WDFY2: variants seen among roughly 807,000 people sequenced by gnomAD.
WDFY2 encodes WD repeat and FYVE domain containing 2.
A neutral mutation model predicts 56.4 loss-of-function variants in WDFY2; 36 were observed. The ratio of observed to expected loss-of-function variants is 0.64; its 90% CI spans 0.49 to 0.84. The LOEUF (loss-of-function observed/expected upper bound fraction) is 0.84. WDFY2 is among the 40% of genes least tolerant of loss of function. The pLI, the probability that WDFY2 is intolerant of heterozygous loss-of-function variation, is 0.00. For synonymous variants in WDFY2, 176 were observed against 183.7 expected (o/e 0.96, Z 0.34); for missense variants, 444 against 512.2 (o/e 0.87, Z 1.29).
At chr13:51,717,540 C>T (rs1952384315) in intron 4 of WDFY2, among the ~76,000 whole-genome samples, 1 of 151,938 alleles carries the variant, frequency 6.6e-6, no homozygotes, top group South Asian at 2.1e-4. Context: ...AGATAGAAGG[C>T]TAAAGGCCCC....
chr13:51,681,149 G>A (rs1268402519), intron 3 of WDFY2, among the ~76,000 whole-genome samples: 1 of 152,206 alleles, frequency 6.6e-6, no homozygotes, highest in Non-Finnish European at 1.5e-5. Flanking sequence ...CACTTCAGCT[G>A]TACCCAAGCA....
chr13:51,702,657 C>G (rs948828521), intron 3 of WDFY2, among the ~76,000 whole-genome samples: 3 of 152,134 alleles, frequency 2.0e-5, no homozygotes, highest in African/African-American at 7.2e-5. Context: ...ACCCGGATAG[C>G]AAGTAAGGCA....
chr13:51,586,995 G>T (rs1024072250), intron 1 of WDFY2: 7 of 151,952 alleles, frequency 4.6e-5, no homozygotes, highest in Non-Finnish European at 8.8e-5. Flanking sequence ...AATGTCACTT[G>T]GTACAATGCT....
intron 6 of WDFY2, among the ~76,000 whole-genome samples, chr13:51,735,708 C>A (rs1395984946): frequency 6.6e-6 from 1 of 152,190 alleles, no homozygotes; most frequent in Non-Finnish European, 1.5e-5. Flanking sequence ...GCTTGTTGAA[C>A]TGATTTGAAA....
At chr13:51,630,919 C>G (rs1444482293) in intron 1 of WDFY2, among the ~76,000 whole-genome samples, 1 of 151,586 alleles carries the variant, frequency 6.6e-6, no homozygotes, top group Non-Finnish European at 1.5e-5. Flanking sequence ...GCTGGGATTA[C>G]AGGTGTGTGC....
At position 51,590,417 on chromosome 13, in the gene WDFY2, GCTGT is replaced by G. The variant is rs368084186; in HGVS notation, c.137+5598_137+5601del. On this transcript the variant is annotated intron_variant, in intron 1 of 11. Transcript: ENST00000298125. Reference sequence around the variant, plus strand: ...TTTACTTGCACAGCATCTTTCTCTGGCTGTCTGTTTTCACTTTGCATTTGGCTTT... The same window carrying G: ...TTTACTTGCACAGCATCTTTCTCTGGCTGTTTTCACTTTGCATTTGGCTTT... 3.8e-3 allele frequency: 583 copies of G among 152,250 alleles called. 4 individuals are homozygous for G. The highest frequency in any genetic ancestry group is 0.013 in the African/African-American group (546 of 41,528). The allele number at this position is 152,250 out of a possible 1,614,324, so 9.4% of individuals were successfully genotyped here. A position where few individuals can be genotyped will look rare whatever the true frequency, so the allele number is the denominator to read the frequency against.
chr13:51,634,693 A>T (rs1348601457), intron 1 of WDFY2, among the ~76,000 whole-genome samples: 1 of 151,960 alleles, frequency 6.6e-6, no homozygotes, highest in Non-Finnish European at 1.5e-5. Flanking sequence ...TGTCTATAAG[A>T]TTGGAAAAGG....
intron 7 of WDFY2, among the ~76,000 whole-genome samples, chr13:51,748,360 A>T (rs1356105413): frequency 6.6e-6 from 1 of 152,242 alleles, no homozygotes; most frequent in African/African-American, 2.4e-5. Flanking sequence ...ACTAATGAGC[A>T]GCACCCTTCT....
At chr13:51,719,015 C>G (rs1307504081) in intron 4 of WDFY2, among the ~76,000 whole-genome samples, 183 bp from the exon 5 acceptor site, 1 of 152,040 alleles carries the variant, frequency 6.6e-6, no homozygotes, top group African/African-American at 2.4e-5. Context: ...CTCAGACACG[C>G]CTGTTTAAAG....
At chr13:51,711,260 G>C (rs552337782) in intron 4 of WDFY2, among the ~76,000 whole-genome samples, 11 of 152,074 alleles carry the variant, frequency 7.2e-5, no homozygotes, top group South Asian at 2.1e-4. Flanking sequence ...AACTGGATCC[G>C]TTCCTTACAC....
chr13:51,723,987 T>C (rs918729994), intron 5 of WDFY2, among the ~76,000 whole-genome samples: 1 of 152,172 alleles, frequency 6.6e-6, no homozygotes, highest in Admixed American at 6.5e-5. Context: ...CAAGATAAAT[T>C]CTTATATCTG....
chr13:51,683,561 A>G (rs1019206344), intron 3 of WDFY2, among the ~76,000 whole-genome samples: 4 of 152,356 alleles, frequency 2.6e-5, no homozygotes, highest in African/African-American at 9.6e-5. Flanking sequence ...GTACCTTGAC[A>G]ACAGCAGAGT....
At chr13:51,715,531 C>T (rs1012478325) in intron 4 of WDFY2, among the ~76,000 whole-genome samples, 3 of 152,174 alleles carry the variant, frequency 2.0e-5, no homozygotes, top group Non-Finnish European at 4.4e-5. Context: ...GACCTGTCAC[C>T]TCCTATCATA....
chr13:51,663,113 A>G (rs1188634785), intron 2 of WDFY2, among the ~76,000 whole-genome samples: 1 of 152,190 alleles, frequency 6.6e-6, no homozygotes, highest in Non-Finnish European at 1.5e-5. Flanking sequence ...CCTGGACAAT[A>G]TAGCAAGATG....
At chr13:51,607,721 C>T (rs866975975) in intron 1 of WDFY2, among the ~76,000 whole-genome samples, 1 of 152,126 alleles carries the variant, frequency 6.6e-6, no homozygotes, top group Non-Finnish European at 1.5e-5. Flanking sequence ...TATGCCATGT[C>T]TCAGAACTTA....
intron 2 of WDFY2, among the ~76,000 whole-genome samples, chr13:51,667,951 G>A (rs1955741549): frequency 7.6e-6 from 1 of 132,104 alleles, no homozygotes; most frequent in South Asian, 2.4e-4. Context: ...CAGTGCAGTG[G>A]CACGATCTCG....
intron 4 of WDFY2, among the ~76,000 whole-genome samples, chr13:51,713,827 A>G (rs976043979): frequency 6.0e-5 from 9 of 149,394 alleles, no homozygotes; most frequent in Non-Finnish European, 1.3e-4. Flanking sequence ...AGCCTGGGTG[A>G]CAGAGCAAGA....
At chr13:51,622,853 CTTTTTT>C (rs59372497) in intron 1 of WDFY2, among the ~76,000 whole-genome samples, 1 of 130,968 alleles carries the variant, frequency 7.6e-6, no homozygotes, top group Admixed American at 7.7e-5. Flanking sequence ...TAACTTTACA[CTTTTTT>C]TTTTTTTTTT....
At chr13:51,732,570 A>G (rs1403348655) in intron 6 of WDFY2, among the ~76,000 whole-genome samples, 1 of 152,278 alleles carries the variant, frequency 6.6e-6, no homozygotes, top group African/African-American at 2.4e-5. Context: ...TGAATAATTA[A>G]ATACAGACTT....
Sources: gnomAD v4.1 joint callset for allele counts (sites outside exome capture counted in the v4.1 genomes callset) on GRCh38, gnomAD v4.1.1 for gene constraint, MANE v1.5 for transcripts, NCBI Gene and HGNC (gene_info 2026-07-23, HGNC 2026-07-21) for gene names.